The following SUDS3 variants were observed in gnomAD, a reference collection of about 807,000 sequenced individuals.
The protein encoded by SUDS3 is SIN3A corepressor complex component SDS3, also known as sin3 histone deacetylase corepressor complex component SDS3.
Under a neutral mutation model 53.5 loss-of-function variants are expected in SUDS3, and 23 were observed. That is an observed-to-expected ratio of 0.43 (90% CI 0.31 to 0.61). The LOEUF (loss-of-function observed/expected upper bound fraction) is 0.61, where lower values mean the gene tolerates loss of function less well. Ranked by LOEUF, SUDS3 falls within the 20% of genes least tolerant of loss-of-function variation. SUDS3 has a pLI of 0.10. For synonymous variants in SUDS3, 150 were observed against 148.5 expected (o/e 1.01, Z -0.08); for missense variants, 291 against 405.9 (o/e 0.72, Z 2.43).
At chr12:118,377,814 G>A (rs2141356467) in intron 1 of SUDS3, among the ~76,000 whole-genome samples, 1 of 152,332 alleles carries the variant, frequency 6.6e-6, no homozygotes, top group Admixed American at 6.5e-5. Context: ...TAGACCAGCT[G>A]TTTGGAATGG....
intron 11 of SUDS3, among the ~76,000 whole-genome samples, chr12:118,413,585 G>A (rs771291850): frequency 4.3e-4 from 66 of 152,204 alleles, no homozygotes; most frequent in Non-Finnish European, 8.2e-4. Context: ...AGGGGGTCAG[G>A]TGACTGGCAG....
At chr12:118,390,135 C>T (rs1406613737) in intron 5 of SUDS3, among the ~76,000 whole-genome samples, 189 bp downstream of exon 5, 1 of 152,200 alleles carries the variant, frequency 6.6e-6, no homozygotes, top group Non-Finnish European at 1.5e-5. Context: ...TGCGCAGCCT[C>T]TGCTTATCAC....
Position 118,394,414 on chromosome 12 carries a change from C to T in SUDS3, c.517+3132C>T, listed in dbSNP as rs527739336. ...AAGTGGAGCCATTTGCTCACAGTCC[C>T]TCAGTGAGATAGATAGTGGTTCAGC... is the stretch of plus-strand genomic sequence containing the variant. On this transcript the variant is annotated intron_variant, in intron 6 of 11. Transcript: ENST00000543473. Among the ~76,000 whole-genome samples the T allele has an allele frequency of 2.2e-4, 33 of 152,274 alleles. 1 individual carries two copies. In the South Asian group the frequency reaches 6.8e-3, roughly 32 times the overall value.
intron 4 of SUDS3, among the ~76,000 whole-genome samples, chr12:118,386,634 A>G (rs2046117069): frequency 1.3e-5 from 2 of 152,108 alleles, no homozygotes; most frequent in Non-Finnish European, 2.9e-5. Flanking sequence ...GAATTTAGAG[A>G]AAACGCACAC....
At chr12:118,411,336 T>G (rs2046357376) in intron 11 of SUDS3, among the ~76,000 whole-genome samples, 179 bp downstream of exon 11, 1 of 152,192 alleles carries the variant, frequency 6.6e-6, no homozygotes, top group African/African-American at 2.4e-5. Context: ...TGAAAAGTCC[T>G]TACATTCGCT....
At position 118,400,643 on chromosome 12, in the gene SUDS3, T is replaced by A. The variant is rs1312303794; in HGVS notation, c.518-16T>A. ...GTGGGAGTTGGATAGATTTACCCATTCCATTCTTGCCACAGATTCTATGGA... is the reference window on the plus strand; with the variant it reads ...GTGGGAGTTGGATAGATTTACCCATACCATTCTTGCCACAGATTCTATGGA... On this transcript the variant is annotated splice_polypyrimidine_tract_variant and intron_variant, in intron 6 of 11. Coordinates refer to ENST00000543473, the MANE Select transcript of SUDS3 (RefSeq NM_022491.3). 6.2e-7 allele frequency: 1 copy of A among 1,613,072 alleles called. No individual in the cohort carries two copies. The highest frequency in any genetic ancestry group is 1.1e-5 in the South Asian group (1 of 91,076).
intron 6 of SUDS3, among the ~76,000 whole-genome samples, chr12:118,395,090 A>C (rs190675964): frequency 1.4e-4 from 21 of 152,254 alleles, no homozygotes; most frequent in African/African-American, 4.6e-4. Context: ...TTTGGGTGTC[A>C]AGACAAGAGG....
At chr12:118,392,624 A>C (rs1287802396) in intron 6 of SUDS3, among the ~76,000 whole-genome samples, 4 of 152,168 alleles carry the variant, frequency 2.6e-5, no homozygotes, top group Non-Finnish European at 5.9e-5. Flanking sequence ...GACCAGTAGC[A>C]CCGTGGTACC....
intron 2 of SUDS3, among the ~76,000 whole-genome samples, chr12:118,382,044 C>CT (rs200415564): frequency 0.086 from 12,501 of 145,652 alleles, 651 homozygotes; most frequent in Middle Eastern, 0.26. Context: ...AGATGGATTA[C>CT]TTTTTTTTTT....
intron 7 of SUDS3, among the ~76,000 whole-genome samples, chr12:118,401,134 C>T (rs1036920984): frequency 1.3e-5 from 2 of 152,276 alleles, no homozygotes; most frequent in East Asian, 3.9e-4. Context: ...CCTTTATGTA[C>T]CTCTGTTATC....
intron 6 of SUDS3, among the ~76,000 whole-genome samples, chr12:118,396,011 A>C (rs1267547182): frequency 6.6e-6 from 1 of 151,972 alleles, no homozygotes; most frequent in Admixed American, 6.6e-5. Flanking sequence ...CACCCCCACA[A>C]ACCTTAGGCG....
intron 6 of SUDS3, among the ~76,000 whole-genome samples, chr12:118,399,723 A>G (rs1193749560): frequency 1.3e-5 from 2 of 152,160 alleles, no homozygotes; most frequent in Non-Finnish European, 2.9e-5. Flanking sequence ...TCACAGATGC[A>G]GATTTGTTCT....
chr12:118,391,340 CT>C, intron 6 of SUDS3, 58 bp downstream of exon 6: 1 of 1,532,386 alleles, frequency 6.5e-7, no homozygotes, highest in Non-Finnish European at 8.8e-7. Context: ...GTGTGAAGGG[CT>C]GTTCCAGTTA....
chr12:118,376,792 A>G lies in SUDS3; in HGVS notation c.101A>G (p.Glu34Gly). The change falls in exon 1 of 12, where the codon GAG (glutamate) becomes GGG (glycine). Residue 34 changes from glutamate (E) to glycine (G), a missense_variant. Physicochemically the swap from Glu to Gly is moderately conservative, Grantham distance 98 (BLOSUM62 -2). Transcript: ENST00000543473. The part of the protein sequence containing the change: ...PEEDEELESA[E>G]DDERSCRGRE... ...GAGGATGAAGAGCTGGAGAGCGCCG[A>G]GGACGACGAGCGCAGCTGTCGGGGC... is the stretch of plus-strand genomic sequence containing the variant. The G allele has an allele frequency of 6.4e-7, 1 of 1,553,190 alleles. No individual in the cohort carries two copies. The highest frequency in any genetic ancestry group is 8.7e-7 in the Non-Finnish European group (1 of 1,155,692).
chr12:118,411,996 C>T (rs762059712), intron 11 of SUDS3, among the ~76,000 whole-genome samples: 2 of 152,180 alleles, frequency 1.3e-5, no homozygotes, highest in Admixed American at 6.5e-5. Flanking sequence ...TGGCCTGAAA[C>T]GACCCACACG....
chr12:118,385,665 C>T (rs534965206), intron 3 of SUDS3, among the ~76,000 whole-genome samples: 2 of 152,212 alleles, frequency 1.3e-5, no homozygotes. Flanking sequence ...GTTCCACTAG[C>T]TACATTTCAA....
intron 3 of SUDS3, among the ~76,000 whole-genome samples, chr12:118,385,368 C>T (rs1235665254): frequency 1.3e-5 from 2 of 152,328 alleles, no homozygotes; most frequent in Non-Finnish European, 2.9e-5. Context: ...CTCAGCCTCT[C>T]AAAGTGCTGG....
chr12:118,409,149 CTT>C (rs559836882), intron 10 of SUDS3, among the ~76,000 whole-genome samples: 61 of 139,966 alleles, frequency 4.4e-4, no homozygotes, highest in Non-Finnish European at 5.0e-4. Context: ...ATTTAAAATT[CTT>C]TTTTTTTTTT....
chr12:118,392,069 G>T (rs1241151708), intron 6 of SUDS3, among the ~76,000 whole-genome samples: 1 of 152,210 alleles, frequency 6.6e-6, no homozygotes, highest in Non-Finnish European at 1.5e-5. Flanking sequence ...CAGGGAATTG[G>T]CTTGAACTAG....
Sources: gnomAD v4.1 joint callset for allele counts (sites outside exome capture counted in the v4.1 genomes callset) on GRCh38, gnomAD v4.1.1 for gene constraint, MANE v1.5 for transcripts, NCBI Gene and HGNC (gene_info 2026-07-23, HGNC 2026-07-21) for gene names.